ALDH1L1: variants seen among roughly 807,000 people sequenced by gnomAD.
ALDH1L1 encodes the protein cytosolic 10-formyltetrahydrofolate dehydrogenase.
A neutral mutation model predicts 101.1 loss-of-function variants in ALDH1L1; 68 were observed. The ratio of observed to expected loss-of-function variants is 0.67; its 90% CI spans 0.55 to 0.82. The LOEUF is 0.82. ALDH1L1 is among the 40% of genes least tolerant of loss of function. ALDH1L1 has a pLI of 0.00. For missense variants in ALDH1L1, 1,087 were observed against 1,172.7 expected (o/e 0.93, Z 1.07); for synonymous variants, 486 against 470.8 (o/e 1.03, Z -0.42).
At position 126,105,708 on chromosome 3, in the gene ALDH1L1, C is replaced by A; in HGVS notation, c.2653+18G>T. The A allele has an allele frequency of 6.2e-7, 1 of 1,614,050 alleles. No individual in the cohort carries two copies. The highest frequency in any genetic ancestry group is 8.5e-7 in the Non-Finnish European group (1 of 1,179,888). On this transcript the variant is annotated intron_variant, in intron 22 of 22. Coordinates refer to ENST00000393434, the MANE Select transcript of ALDH1L1 (RefSeq NM_012190.4). ...GAATGAATAAATGAAAGCAACCCCACAGGCAGGAGTAGGTTACCTAGATCT... is the reference window on the plus strand; with the variant it reads ...GAATGAATAAATGAAAGCAACCCCAAAGGCAGGAGTAGGTTACCTAGATCT...
intron 20 of ALDH1L1, 106 bp from the exon 21 acceptor site, chr3:126,107,352 G>A (rs1007326393): frequency 4.9e-5 from 43 of 879,858 alleles, no homozygotes; most frequent in Middle Eastern, 2.6e-4. Context: ...CGGATGACCC[G>A]ACATAAGCAC....
intron 9 of ALDH1L1, among the ~76,000 whole-genome samples, chr3:126,143,905 C>G (rs1331039627): frequency 6.6e-6 from 1 of 152,212 alleles, no homozygotes; most frequent in Non-Finnish European, 1.5e-5. Context: ...GATCAAACCA[C>G]TGTTCCAGCC....
rs1162566964 is a variant in ALDH1L1, at chr3:126,117,979, C to T, written c.1982+26G>A. 4 of 1,597,818 alleles carry T rather than the reference C, an allele frequency of 2.5e-6. No homozygotes were observed. The African/African-American group carries it at 5.4e-5, about 21-fold the overall frequency. On this transcript the variant is annotated intron_variant, in intron 17 of 22. Transcript: ENST00000393434. The stretch of plus-strand genomic sequence containing the variant: ...CCAGGCGCAGCCCACAGCAGCCCCT[C>T]CTCTGCTCCACCCCCAGCCACGCAC...
At chr3:126,131,344 G>A (rs145207665) in intron 13 of ALDH1L1, 40 bp downstream of exon 13, 2 of 1,538,480 alleles carry the variant, frequency 1.3e-6, no homozygotes, top group African/African-American at 2.7e-5. Flanking sequence ...GGCTGGGCCA[G>A]TCTGCATGTG....
At chr3:126,157,799 C>T (rs2080946106) in intron 3 of ALDH1L1, among the ~76,000 whole-genome samples, 2 of 152,116 alleles carry the variant, frequency 1.3e-5, no homozygotes, top group Admixed American at 6.5e-5. Context: ...AAAAGTGAAG[C>T]GACACCCACA....
chr3:126,116,797 C>A (rs1310243177), intron 17 of ALDH1L1, among the ~76,000 whole-genome samples: 1 of 152,192 alleles, frequency 6.6e-6, no homozygotes, highest in Non-Finnish European at 1.5e-5. Flanking sequence ...GACCAGAACC[C>A]CTGCACTATC....
chr3:126,124,483 A>G (rs1471022141), intron 15 of ALDH1L1, 32 bp from the exon 16 acceptor site: 2 of 1,592,332 alleles, frequency 1.3e-6, no homozygotes, highest in Middle Eastern at 1.7e-4. Flanking sequence ...GAGACTGGGT[A>G]AGGAGGTTTT....
At chr3:126,153,990 G>A (rs913840849) in intron 6 of ALDH1L1, among the ~76,000 whole-genome samples, 1 of 152,240 alleles carries the variant, frequency 6.6e-6, no homozygotes, top group African/African-American at 2.4e-5. Context: ...GATGAGGACA[G>A]CAGAGAGGCT....
chr3:126,137,767 C>G, intron 10 of ALDH1L1, 46 bp downstream of exon 10: 1 of 1,597,098 alleles, frequency 6.3e-7, no homozygotes, highest in Non-Finnish European at 8.5e-7. Flanking sequence ...GATGCAGCTG[C>G]CTGAGGGCTC....
At chr3:126,181,024 G>C, upstream of ALDH1L1, 1 of 1,594,410 alleles carries the variant, frequency 6.3e-7, no homozygotes, top group Non-Finnish European at 8.5e-7. Context: ...ATTTGCAGCC[G>C]CTTGCAGAGG....
chr3:126,188,177 C>T (rs2081531980), intron 1 of ALDH1L1, among the ~76,000 whole-genome samples: 1 of 152,222 alleles, frequency 6.6e-6, no homozygotes. Flanking sequence ...TTGGACAACG[C>T]AGGTTGGACC....
At chr3:126,146,997 C>A in intron 8 of ALDH1L1, 71 bp from the exon 9 acceptor site, 1 of 1,440,942 alleles carries the variant, frequency 6.9e-7, no homozygotes, top group Non-Finnish European at 9.6e-7. Context: ...AGGACAACAA[C>A]CCCTGAACAG....
chr3:126,106,492 G>A (rs1401823911), intron 21 of ALDH1L1, among the ~76,000 whole-genome samples: 3 of 152,204 alleles, frequency 2.0e-5, no homozygotes, highest in Admixed American at 2.0e-4. Flanking sequence ...TGTGAGTGGA[G>A]TACAGTTTTT....
chr3:126,144,874 A>G (rs2080642802), intron 9 of ALDH1L1, among the ~76,000 whole-genome samples: 1 of 152,262 alleles, frequency 6.6e-6, no homozygotes, highest in Admixed American at 6.5e-5. Context: ...AAGCTTCTGC[A>G]AAGCAAAGGA....
chr3:126,115,311 A>G (rs1010727335), intron 17 of ALDH1L1: 2 of 326,940 alleles, frequency 6.1e-6, no homozygotes, highest in African/African-American at 4.3e-5. Context: ...CACTCAGTCA[A>G]TAGCCGGCAG....
At chr3:126,158,671 C>T (rs2080971611) in intron 2 of ALDH1L1, 32 bp from the exon 3 acceptor site, 1 of 1,590,822 alleles carries the variant, frequency 6.3e-7, no homozygotes, top group Admixed American at 1.7e-5. Context: ...ACTGGCCCCT[C>T]TCCATAACCC....
chr3:126,176,122 A>G (rs1461757489), intron 1 of ALDH1L1, among the ~76,000 whole-genome samples: 1 of 152,244 alleles, frequency 6.6e-6, no homozygotes, highest in Non-Finnish European at 1.5e-5. Flanking sequence ...TTATTTATAC[A>G]TAAACCTAAA....
intron 16 of ALDH1L1, among the ~76,000 whole-genome samples, chr3:126,122,805 C>T (rs375269568): frequency 3.2e-4 from 49 of 152,012 alleles, no homozygotes; most frequent in African/African-American, 8.7e-4. Flanking sequence ...AAGAAAATAA[C>T]TAAAAATGTA....
intron 2 of ALDH1L1, 50 bp downstream of exon 2, chr3:126,160,803 G>C (rs926892582): frequency 5.6e-6 from 9 of 1,597,732 alleles, no homozygotes; most frequent in Non-Finnish European, 5.1e-6. Flanking sequence ...CTTCTACCTG[G>C]ATGGGCGGGC....
Sources: allele counts gnomAD v4.1 joint callset (sites outside exome capture counted in the v4.1 genomes callset), GRCh38; gene constraint gnomAD v4.1.1; transcripts MANE v1.5; gene names NCBI Gene and HGNC (gene_info 2026-07-23, HGNC 2026-07-21).